Variants in MAP2K5 observed in about 807,000 individuals in gnomAD.
MAP2K5 encodes the protein mitogen-activated protein kinase kinase 5, also known as dual specificity mitogen-activated protein kinase kinase 5.
MAP2K5 carries 49 observed loss-of-function variants against 83.1 expected under a neutral mutation model. The observed-to-expected ratio is 0.59, with a 90% CI of 0.47 to 0.75. The LOEUF (loss-of-function observed/expected upper bound fraction) is 0.75, where lower values mean the gene tolerates loss of function less well. MAP2K5 is among the 30% of genes least tolerant of loss of function. The probability of loss-of-function intolerance (pLI) is 0.00; values close to 1 mark genes in which losing one functional copy is unlikely to be tolerated. For synonymous variants in MAP2K5, 202 were observed against 191.8 expected, an observed-to-expected ratio of 1.05 and a Z score of -0.44; for missense variants, 457 against 557.5, an observed-to-expected ratio of 0.82 and a Z score of 1.82.
intron 16 of MAP2K5, among the ~76,000 whole-genome samples, chr15:67,725,342 G>A (rs562266741): frequency 1.1e-4 from 17 of 152,306 alleles, no homozygotes; most frequent in East Asian, 3.9e-4. Context: ...ACTTGCAACC[G>A]GAAGCTTTGT....
At chr15:67,706,919 T>C (rs543931382) in intron 16 of MAP2K5, among the ~76,000 whole-genome samples, 1 of 152,302 alleles carries the variant, frequency 6.6e-6, no homozygotes, top group East Asian at 1.9e-4. Context: ...CCCAAGGTTC[T>C]TGTGTTTTCT....
chr15:67,555,974 C>T lies in MAP2K5; in HGVS notation c.184+5892C>T, dbSNP rs530904931. On this transcript the variant is annotated intron_variant, in intron 2 of 21. Transcript: ENST00000178640. The surrounding 1 kb of genome is among the most constrained non-coding windows in gnomAD (Gnocchi z 5.2). ...AATTTTTTTGTATTTTTAGTAGATA[C>T]GGGGTTTCACCATGTTGACCAGACT... Among the ~76,000 whole-genome samples the T allele has an allele frequency of 5.9e-5, 9 of 152,020 alleles. No individual in the cohort carries two copies. The highest frequency in any genetic ancestry group is 4.2e-4 in the South Asian group (2 of 4,812).
At chr15:67,735,260 T>A (rs2089313666) in intron 17 of MAP2K5, among the ~76,000 whole-genome samples, 1 of 152,206 alleles carries the variant, frequency 6.6e-6, no homozygotes, top group Non-Finnish European at 1.5e-5. Context: ...GGAAGAGACA[T>A]CATCCCCAAT....
In MAP2K5 at chr15:67,645,771, A is replaced by G. The variant is rs1289543338; in HGVS notation, c.586-460A>G. Among the ~76,000 whole-genome samples, 5 of 150,576 alleles carry G rather than the reference A, an allele frequency of 3.3e-5. No individual in the cohort carries two copies. In the South Asian group the frequency reaches 1.1e-3, roughly 32 times the overall value. ...TCTCGCTATGGTGCTTAGACTGGCC[A>G]TATACCCCTGGCCTTCAGGTACCCT... On this transcript the variant is annotated intron_variant, in intron 9 of 21. Transcript: ENST00000178640.
intron 21 of MAP2K5, among the ~76,000 whole-genome samples, chr15:67,797,016 T>A (rs1023553899): frequency 9.2e-5 from 14 of 152,224 alleles, no homozygotes; most frequent in African/African-American, 3.1e-4. Flanking sequence ...GGAGTGCTGT[T>A]GCTCTGCTAG....
At chr15:67,566,831 T>G (rs2084850013) in intron 3 of MAP2K5, among the ~76,000 whole-genome samples, 2 of 152,248 alleles carry the variant, frequency 1.3e-5, no homozygotes, top group African/African-American at 4.8e-5. Context: ...ATCAATTATT[T>G]AAATCACTAG....
chr15:67,661,198 C>T (rs2087230605), intron 12 of MAP2K5, among the ~76,000 whole-genome samples: 2 of 152,108 alleles, frequency 1.3e-5, no homozygotes, highest in South Asian at 4.2e-4. Context: ...TTTCAGCCTT[C>T]CAGCTTACTC....
chr15:67,604,391 A>G lies in MAP2K5; in HGVS notation c.545+3642A>G, dbSNP rs1482268209. ...GCTGCAAGTTGCTCCAAAAAAATAA[A>G]TTCAGGAAAGACACATGTTCTATTT... On this transcript the variant is annotated intron_variant, in intron 8 of 21. Transcript: ENST00000178640. Among the ~76,000 whole-genome samples the G allele has an allele frequency of 2.0e-5, 3 of 152,258 alleles. No homozygotes were observed. The East Asian group carries it at 5.8e-4, about 29-fold the overall frequency.
chr15:67,631,702 C>T (rs1377864214), intron 9 of MAP2K5, among the ~76,000 whole-genome samples: 1 of 152,202 alleles, frequency 6.6e-6, no homozygotes, highest in African/African-American at 2.4e-5. Context: ...TGCCAAACTC[C>T]AGCATCCCAG....
intron 8 of MAP2K5, among the ~76,000 whole-genome samples, chr15:67,613,709 G>T (rs2085986803): frequency 1.3e-5 from 2 of 151,674 alleles, no homozygotes; most frequent in South Asian, 4.2e-4. Flanking sequence ...AGAGATTTTT[G>T]CTCCTCTTCA....
intron 16 of MAP2K5, 60 bp downstream of exon 16, chr15:67,703,468 A>G: frequency 7.4e-7 from 1 of 1,354,440 alleles, no homozygotes. Context: ...TCAATCAGGA[A>G]AAGTGAAGAT....
rs2087696048 is a variant in MAP2K5, at chr15:67,676,871, G to A, written c.847+12226G>A. ...AGCTCTAGTATGAGGGTCAGACCCAGGTTTAAGTTCTGGTTCTTCCTCTTA... is the reference window on the plus strand; with the variant it reads ...AGCTCTAGTATGAGGGTCAGACCCAAGTTTAAGTTCTGGTTCTTCCTCTTA... On this transcript the variant is annotated intron_variant, in intron 13 of 21. Transcript: ENST00000178640. This position sits in a 1 kb window ranked among gnomAD's most constrained non-coding sequence, Gnocchi z 4.8. Among the ~76,000 whole-genome samples the A allele has an allele frequency of 6.6e-6, 1 of 152,118 alleles. No individual in the cohort carries two copies. The highest frequency in any genetic ancestry group is 2.4e-5 in the African/African-American group (1 of 41,424).
Position 67,703,323 on chromosome 15 carries a change from C to T in MAP2K5, c.973-14C>T, listed in dbSNP as rs1258466331. The T allele has an allele frequency of 3.7e-6, 6 of 1,608,186 alleles. No homozygotes were observed. Among genetic ancestry groups the T allele is most frequent in the African/African-American group, 2.7e-5 (2 of 74,794 alleles). Reference sequence around the variant, plus strand: ...CATCCGTCCACTCACAGGCTCCCTTCTGATTTCTTGCAGCCTGAAAGGATT... The same window carrying T: ...CATCCGTCCACTCACAGGCTCCCTTTTGATTTCTTGCAGCCTGAAAGGATT... On this transcript the variant is annotated splice_polypyrimidine_tract_variant and intron_variant, in intron 15 of 21. Coordinates refer to ENST00000178640, the MANE Select transcript of MAP2K5 (RefSeq NM_145160.3).
chr15:67,550,037 G>A lies in MAP2K5; in HGVS notation c.139G>A (p.Val47Met), dbSNP rs777083119. 3.7e-6 allele frequency: 6 copies of A among 1,612,954 alleles called. No homozygotes were observed. The highest frequency in any genetic ancestry group is 1.7e-5 in the Admixed American group (1 of 60,014). Residue 47 changes from valine to methionine, a missense_variant, in exon 2 of 22, where the codon GTG becomes ATG. Physicochemically the swap from Val to Met is conservative, Grantham distance 21. Around this residue, in one of 3 missense-constraint regions of MAP2K5, gnomAD observed 234 missense variants for 243.6 expected, o/e 0.96. Coordinates refer to ENST00000178640, the MANE Select transcript of MAP2K5 (RefSeq NM_145160.3). ...PQLLFRDVLD[V>M]IGQVLPEATT... ...TCTTTATTCTTTCTTTGTTTAGGAT[G>A]TGATAGGCCAGGTTCTGCCTGAAGC... is the stretch of plus-strand genomic sequence containing the variant.
In MAP2K5 at chr15:67,677,899, A is replaced by G. The variant is rs945469973; in HGVS notation, c.847+13254A>G. 6.6e-6 allele frequency among the ~76,000 whole-genome samples: 1 copy of G among 152,212 alleles called. No individual in the cohort carries two copies. The highest frequency in any genetic ancestry group is 1.5e-5 in the Non-Finnish European group (1 of 68,040). ...GGGCACGTTTGTTGCCTCCATTCTG[A>G]ACCGAATCATGAGACTCCAGGCAAT... On this transcript the variant is annotated intron_variant, in intron 13 of 21. Coordinates refer to ENST00000178640, the MANE Select transcript of MAP2K5 (RefSeq NM_145160.3). This position sits in a 1 kb window ranked among gnomAD's most constrained non-coding sequence, Gnocchi z 4.2.
In MAP2K5 at chr15:67,637,974, CTT is replaced by C; in HGVS notation, c.585+7050_585+7051del. On this transcript the variant is annotated intron_variant, in intron 9 of 21. Transcript: ENST00000178640. The surrounding 1 kb of genome is among the most constrained non-coding windows in gnomAD (Gnocchi z 4.5). The stretch of plus-strand genomic sequence containing the variant: ...TCTTCCTTTCTTTTTTTTAATTTAA[CTT>C]TTAACTTTTTTAACTTTTAATTTAA... 6.7e-6 allele frequency among the ~76,000 whole-genome samples: 1 copy of C among 150,248 alleles called. No homozygotes were observed. Among genetic ancestry groups the C allele is most frequent in the South Asian group, 2.1e-4 (1 of 4,706 alleles).
At chr15:67,700,201 T>C (rs2088380755) in intron 15 of MAP2K5, among the ~76,000 whole-genome samples, 1 of 152,214 alleles carries the variant, frequency 6.6e-6, no homozygotes, top group Admixed American at 6.5e-5. Context: ...TTGTCAAGGC[T>C]GAGTCACAGA....
At position 67,710,757 on chromosome 15, in the gene MAP2K5, G is replaced by T. The variant is rs574031905; in HGVS notation, c.1044+7349G>T. ...GACCTCAGGTGATCCACCCGCCTTGGCCTCCCAAAGTGCTGGGATTACAGG... is the reference window on the plus strand; with the variant it reads ...GACCTCAGGTGATCCACCCGCCTTGTCCTCCCAAAGTGCTGGGATTACAGG... On this transcript the variant is annotated intron_variant, in intron 16 of 21. Coordinates refer to ENST00000178640, the MANE Select transcript of MAP2K5 (RefSeq NM_145160.3). Among the ~76,000 whole-genome samples the T allele has an allele frequency of 3.3e-5, 5 of 152,216 alleles. No homozygotes were observed. The East Asian group carries it at 9.6e-4, about 29-fold the overall frequency.
chr15:67,641,933 A>G (rs565174718), intron 9 of MAP2K5, among the ~76,000 whole-genome samples: 1 of 152,332 alleles, frequency 6.6e-6, no homozygotes, highest in Admixed American at 6.5e-5. Context: ...CCAGAGTGCC[A>G]AGTCTCCCAG....
Sources: allele counts gnomAD v4.1 joint callset (sites outside exome capture counted in the v4.1 genomes callset), GRCh38; gene constraint gnomAD v4.1.1; regional missense constraint gnomAD v4.1.1; non-coding constraint Gnocchi (gnomAD v3.1); transcripts MANE v1.5; gene names NCBI Gene and HGNC (gene_info 2026-07-23, HGNC 2026-07-21).